The following POU6F2 variants were observed in gnomAD, a reference collection of about 807,000 sequenced individuals.
POU6F2 encodes the protein POU domain, class 6, transcription factor 2.
POU6F2 carries 31 observed loss-of-function variants against 71.3 expected under a neutral mutation model. The observed-to-expected ratio is 0.43, with a 90% CI of 0.33 to 0.59. The LOEUF is 0.59. Ranked by LOEUF, POU6F2 falls within the 20% of genes least tolerant of loss-of-function variation. The pLI is 0.04. For missense variants in POU6F2, 783 were observed against 856.8 expected (o/e 0.91, Z 1.07); for synonymous variants, 347 against 355.7 (o/e 0.98, Z 0.27).
At chr7:39,076,348 A>G (rs1050113521) in intron 1 of POU6F2, among the ~76,000 whole-genome samples, 1 of 151,998 alleles carries the variant, frequency 6.6e-6, no homozygotes, top group Non-Finnish European at 1.5e-5. Context: ...GGGAATTTCA[A>G]CACATGTCTG....
intron 4 of POU6F2, among the ~76,000 whole-genome samples, chr7:39,238,262 G>A (rs1794710059): frequency 6.6e-6 from 1 of 152,114 alleles, no homozygotes; most frequent in Non-Finnish European, 1.5e-5. Flanking sequence ...GCGGAGATTA[G>A]AGACAATGAA....
intron 1 of POU6F2, among the ~76,000 whole-genome samples, chr7:38,991,080 G>A (rs186802346): frequency 2.0e-5 from 3 of 152,128 alleles, no homozygotes; most frequent in East Asian, 3.9e-4. Context: ...CTGCCCCCTG[G>A]TTATTTGCTT....
intron 2 of POU6F2, among the ~76,000 whole-genome samples, chr7:39,131,845 T>TG (rs1257086867): frequency 6.6e-6 from 1 of 152,000 alleles, no homozygotes; most frequent in Admixed American, 6.6e-5. Flanking sequence ...TTTTATATTT[T>TG]TTTTTTATGT....
At chr7:39,444,938 A>T (rs1788487999) in intron 7 of POU6F2, among the ~76,000 whole-genome samples, 1 of 152,228 alleles carries the variant, frequency 6.6e-6, no homozygotes, top group Non-Finnish European at 1.5e-5. Flanking sequence ...AAGGAAAAAA[A>T]ATCTGCAACT....
chr7:39,179,531 G>A (rs566711729), intron 2 of POU6F2, among the ~76,000 whole-genome samples: 14 of 151,534 alleles, frequency 9.2e-5, no homozygotes, highest in African/African-American at 2.2e-4. Flanking sequence ...GCGCACATGC[G>A]CGCACACACA....
At chr7:39,402,297 C>G (rs555153972) in intron 5 of POU6F2, among the ~76,000 whole-genome samples, 1 of 151,988 alleles carries the variant, frequency 6.6e-6, no homozygotes, top group Admixed American at 6.5e-5. Flanking sequence ...AGGAGATGCA[C>G]AAAGTATATA....
chr7:39,275,697 A>C, intron 4 of POU6F2, among the ~76,000 whole-genome samples: 2 of 152,214 alleles, frequency 1.3e-5, no homozygotes, highest in Admixed American at 1.3e-4. Context: ...CAGGTACCAA[A>C]ACAGACATAT....
At chr7:39,236,706 G>A (rs1243394370) in intron 4 of POU6F2, among the ~76,000 whole-genome samples, 1 of 151,838 alleles carries the variant, frequency 6.6e-6, no homozygotes, top group Non-Finnish European at 1.5e-5. Flanking sequence ...ATCATACATC[G>A]TTTTAGACAC....
At chr7:39,336,444 G>A (rs1785779715) in intron 4 of POU6F2, among the ~76,000 whole-genome samples, 1 of 152,138 alleles carries the variant, frequency 6.6e-6, no homozygotes, top group African/African-American at 2.4e-5. Flanking sequence ...TATTTTCAAG[G>A]TTACTCTTCT....
chr7:39,376,393 G>A (rs756696834), intron 5 of POU6F2, among the ~76,000 whole-genome samples: 1 of 152,156 alleles, frequency 6.6e-6, no homozygotes, highest in African/African-American at 2.4e-5. Context: ...TAGTCAGGAG[G>A]GGTATTCATA....
intron 1 of POU6F2, among the ~76,000 whole-genome samples, chr7:39,067,691 A>G (rs763577581): frequency 2.0e-5 from 3 of 152,152 alleles, no homozygotes; most frequent in Non-Finnish European, 4.4e-5. Flanking sequence ...CAGTTATTAC[A>G]TTTTTATAAT....
intron 5 of POU6F2, among the ~76,000 whole-genome samples, chr7:39,349,842 G>C (rs1786106890): frequency 6.6e-6 from 1 of 152,224 alleles, no homozygotes; most frequent in Non-Finnish European, 1.5e-5. Flanking sequence ...GGGGCCCTGT[G>C]AGTGCAGAGC....
intron 6 of POU6F2, among the ~76,000 whole-genome samples, chr7:39,420,962 C>T (rs1486875372): frequency 6.6e-6 from 1 of 152,028 alleles, no homozygotes; most frequent in Non-Finnish European, 1.5e-5. Flanking sequence ...TTCACAAGGA[C>T]CAAATTTGAA....
At chr7:39,353,903 G>A (rs981916563) in intron 5 of POU6F2, among the ~76,000 whole-genome samples, 1 of 152,216 alleles carries the variant, frequency 6.6e-6, no homozygotes, top group Non-Finnish European at 1.5e-5. Context: ...AGAAATTACT[G>A]ATCAAATTAA....
intron 5 of POU6F2, among the ~76,000 whole-genome samples, chr7:39,352,411 A>G (rs1786156256): frequency 6.6e-6 from 1 of 152,162 alleles, no homozygotes; most frequent in Non-Finnish European, 1.5e-5. Context: ...AGCTTCTCCT[A>G]ACACCATAGC....
In POU6F2 at chr7:39,343,075, T is replaced by A. The variant is rs542124914; in HGVS notation, c.972+3060T>A. On this transcript the variant is annotated intron_variant, in intron 5 of 9. Coordinates refer to ENST00000518318, the MANE Select transcript of POU6F2 (RefSeq NM_001370959.1). ...AGGACCCACCCACCCATGGCTTCGT[T>A]CTTGCCCAGGAGGCTTGAGGAGAGA... Among the ~76,000 whole-genome samples, 727 of 152,298 alleles carry A rather than the reference T, an allele frequency of 4.8e-3. 5 individuals carry two copies. The highest frequency in any genetic ancestry group is 0.016 in the African/African-American group (665 of 41,554).
At chr7:39,243,455 A>G (rs985449537) in intron 4 of POU6F2, among the ~76,000 whole-genome samples, 1 of 152,064 alleles carries the variant, frequency 6.6e-6, no homozygotes, top group East Asian at 1.9e-4. Context: ...ACCCAGCCTC[A>G]TTGCTTGGGA....
intron 6 of POU6F2, among the ~76,000 whole-genome samples, chr7:39,417,011 A>G (rs999496849): frequency 6.6e-6 from 1 of 152,158 alleles, no homozygotes; most frequent in African/African-American, 2.4e-5. Flanking sequence ...AGCTTTTCCA[A>G]CTATAGAATG....
chr7:39,233,995 G>T (rs939017773), intron 4 of POU6F2, among the ~76,000 whole-genome samples: 4 of 152,058 alleles, frequency 2.6e-5, no homozygotes, highest in Non-Finnish European at 5.9e-5. Context: ...AGTCATGTGG[G>T]CCTTCTATCC....
Sources: gnomAD v4.1 joint callset for allele counts (sites outside exome capture counted in the v4.1 genomes callset) on GRCh38, gnomAD v4.1.1 for gene constraint, MANE v1.5 for transcripts, NCBI Gene and HGNC (gene_info 2026-07-23, HGNC 2026-07-21) for gene names.